The following METRNL variants were observed in gnomAD, a reference collection of about 807,000 sequenced individuals.
METRNL encodes meteorin-like protein.
Under a neutral mutation model 17.4 loss-of-function variants are expected in METRNL, and 9 were observed. That is an observed-to-expected ratio of 0.52 (90% CI 0.31 to 0.90). The LOEUF (loss-of-function observed/expected upper bound fraction) is 0.90, where lower values mean the gene tolerates loss of function less well. Ranked by LOEUF, METRNL falls within the 40% of genes least tolerant of loss-of-function variation. The pLI is 0.05. For synonymous variants in METRNL, 215 were observed against 199.3 expected (o/e 1.08, Z -0.66); for missense variants, 408 against 430.7 (o/e 0.95, Z 0.47).
chr17:83,085,119 A>C lies in METRNL; in HGVS notation c.352A>C (p.Asn118His), dbSNP rs1482189715. 1.2e-6 allele frequency: 2 copies of C among 1,613,540 alleles called. No individual in the cohort carries two copies. Among genetic ancestry groups the C allele is most frequent in the Non-Finnish European group, 1.7e-6 (2 of 1,179,996 alleles). ...IRSFTDSSGANIYLEKTGELR... is the reference protein window; with the variant it reads ...IRSFTDSSGAHIYLEKTGELR... ...GTCCTTCACGGACTCCTCGGGGGCC[A>C]ATATTTATTTGGAAAAAACTGGAGA... Residue 118 changes from asparagine to histidine, a missense_variant, in exon 2 of 4, where the codon AAT (asparagine) becomes CAT (histidine). Coordinates refer to ENST00000320095, the MANE Select transcript of METRNL (RefSeq NM_001004431.3).
At chr17:83,084,782 C>T (rs560838017) in intron 1 of METRNL, 156 bp from the exon 2 acceptor site, 86 of 920,408 alleles carry the variant, frequency 9.3e-5, no homozygotes, top group Middle Eastern at 7.0e-4. Context: ...GCCTGCCTCA[C>T]GGGCAGGGGT....
At chr17:83,084,907 G>T in intron 1 of METRNL, 31 bp from the exon 2 acceptor site, 2 of 1,584,962 alleles carry the variant, frequency 1.3e-6, no homozygotes, top group Non-Finnish European at 1.7e-6. Context: ...CGGGAGCTCC[G>T]GGCCTGGCTG....
chr17:83,084,443 T>C (rs2038025250), intron 1 of METRNL: 1 of 155,766 alleles, frequency 6.4e-6, no homozygotes, highest in Non-Finnish European at 1.4e-5. Context: ...GCCCTCGTGG[T>C]CATCTGGAAC....
intron 1 of METRNL, among the ~76,000 whole-genome samples, chr17:83,082,603 G>A (rs1021572139): frequency 1.3e-5 from 2 of 152,288 alleles, no homozygotes; most frequent in South Asian, 2.1e-4. Context: ...TGCATCTCAC[G>A]TGAAAATCAC....
intron 1 of METRNL, chr17:83,082,189 G>C: frequency 1.0e-6 from 1 of 985,448 alleles, no homozygotes; most frequent in Non-Finnish European, 1.2e-6. Flanking sequence ...CTGTCAGCCC[G>C]GGCATCGCAG....
rs2143645299 is a variant in METRNL, at chr17:83,090,412, C to G, written c.557-2755C>G. Reference sequence around the variant, plus strand: ...CCCCACACACACACCCCCCGCCCCACACACACACCCCCCGCCCCACACACA... The same window carrying G: ...CCCCACACACACACCCCCCGCCCCAGACACACACCCCCCGCCCCACACACA... On this transcript the variant is annotated intron_variant, in intron 2 of 3. Coordinates refer to ENST00000320095, the MANE Select transcript of METRNL (RefSeq NM_001004431.3). 2.7e-4 allele frequency among the ~76,000 whole-genome samples: 2 copies of G among 7,510 alleles called. 1 individual carries two copies. The highest frequency in any genetic ancestry group is 2.8e-3 in the African/African-American group (2 of 720). The allele number at this position is 7,510 out of a possible 152,430, so 4.9% of individuals were successfully genotyped here.
At chr17:83,080,829 G>C (rs2037977008) in intron 1 of METRNL, among the ~76,000 whole-genome samples, 1 of 150,474 alleles carries the variant, frequency 6.6e-6, no homozygotes, top group East Asian at 2.0e-4. Flanking sequence ...GGGCTGGCCC[G>C]GGCCTGGGTC....
At position 83,079,822 on chromosome 17, in the gene METRNL, G is replaced by A. The variant is rs1439488452; in HGVS notation, c.7G>A (p.Gly3Ser). 30 of 975,528 alleles carry A rather than the reference G, an allele frequency of 3.1e-5. No individual in the cohort carries two copies. Among genetic ancestry groups the A allele is most frequent in the Admixed American group, 6.6e-5 (1 of 15,140 alleles). The allele number at this position is 975,528 out of a possible 1,614,324, so 60.4% of individuals were successfully genotyped here. Residue 3 changes from glycine (G) to serine (S), a missense_variant, in exon 1 of 4, where the codon GGC becomes AGC. Gly to Ser is a moderately conservative substitution (Grantham distance 56, BLOSUM62 0). Transcript: ENST00000320095. The part of the protein sequence containing the change: MR[G>S]AARAAWGRAG... Reference sequence around the variant, plus strand: ...GCGGAGCCGGCGCCAGAGCATGCGGGGCGCGGCGCGGGCGGCCTGGGGGCG... The same window carrying A: ...GCGGAGCCGGCGCCAGAGCATGCGGAGCGCGGCGCGGGCGGCCTGGGGGCG...
At chr17:83,086,486 G>A (rs2038054204) in intron 2 of METRNL, among the ~76,000 whole-genome samples, 1 of 152,210 alleles carries the variant, frequency 6.6e-6, no homozygotes. Context: ...GTTATGGTGG[G>A]TGGGAGACCT....
Position 83,093,240 on chromosome 17 carries a change from C to T in METRNL, c.616+14C>T, listed in dbSNP as rs199507478. On this transcript the variant is annotated intron_variant, in intron 3 of 3. Coordinates refer to ENST00000320095, the MANE Select transcript of METRNL (RefSeq NM_001004431.3). The stretch of plus-strand genomic sequence containing the variant: ...CCAGCGACTTCGGTGAGTGTCTCCT[C>T]GGCAGCTTCTACCTCCTGTGCTCCT... The T allele has an allele frequency of 1.1e-5, 18 of 1,602,872 alleles. No individual in the cohort carries two copies. The highest frequency in any genetic ancestry group is 4.5e-5 in the East Asian group (2 of 44,840).
intron 1 of METRNL, 99 bp downstream of exon 1, chr17:83,080,084 G>A: frequency 1.5e-6 from 1 of 685,436 alleles, no homozygotes; most frequent in Non-Finnish European, 1.8e-6. Context: ...GGGGGCGGGC[G>A]CGGGGCAGGG....
chr17:83,081,765 A>G (rs1249528325), intron 1 of METRNL, among the ~76,000 whole-genome samples: 1 of 152,068 alleles, frequency 6.6e-6, no homozygotes, highest in Non-Finnish European at 1.5e-5. Flanking sequence ...TGTGATCTGG[A>G]GGGGACACGG....
At chr17:83,094,061 A>T (rs948583408) in intron 3 of METRNL, among the ~76,000 whole-genome samples, 195 bp from the exon 4 acceptor site, 3 of 152,226 alleles carry the variant, frequency 2.0e-5, no homozygotes, top group African/African-American at 7.2e-5. Context: ...ACGATGTCTA[A>T]GTATCTGGGA....
chr17:83,085,526 G>A (rs2038042912), intron 2 of METRNL, among the ~76,000 whole-genome samples: 1 of 152,014 alleles, frequency 6.6e-6, no homozygotes, highest in Admixed American at 6.5e-5. Flanking sequence ...CCGCAGAGGG[G>A]CCCTCCTAGG....
chr17:83,081,666 C>CCA (rs543201996), intron 1 of METRNL, among the ~76,000 whole-genome samples: 9 of 151,196 alleles, frequency 6.0e-5, no homozygotes, highest in South Asian at 2.1e-4. Context: ...GGGGACCCCC[C>CCA]CACACACACA....
At position 83,093,175 on chromosome 17, in the gene METRNL, C is replaced by T. The variant is rs769008337; in HGVS notation, c.565C>T (p.Arg189Cys). The T allele has an allele frequency of 1.4e-5, 22 of 1,607,774 alleles. No individual in the cohort carries two copies. The highest frequency in any genetic ancestry group is 1.6e-4 in the Middle Eastern group (1 of 6,082). Residue 189 changes from arginine (R) to cysteine (C), a missense_variant, in exon 3 of 4, where the codon CGT becomes TGT. Coordinates refer to ENST00000320095, the MANE Select transcript of METRNL (RefSeq NM_001004431.3). Reference sequence around the variant, plus strand: ...CTGCCTTTCTTCTCCAGCGCCGTGCCGTCCCTGCAGTGACACCGAGGTGCT... The same window carrying T: ...CTGCCTTTCTTCTCCAGCGCCGTGCTGTCCCTGCAGTGACACCGAGGTGCT... Reference protein sequence around the residue: ...SDLHELSAPCRPCSDTEVLLA... With the variant: ...SDLHELSAPCCPCSDTEVLLA...
At chr17:83,082,752 G>T (rs539424427) in intron 1 of METRNL, among the ~76,000 whole-genome samples, 33 of 152,366 alleles carry the variant, frequency 2.2e-4, no homozygotes, top group Non-Finnish European at 4.0e-4. Flanking sequence ...TCGATTTTCT[G>T]GTAGGAACCA....
chr17:83,083,676 C>T (rs1212441373), intron 1 of METRNL, among the ~76,000 whole-genome samples: 1 of 152,198 alleles, frequency 6.6e-6, no homozygotes, highest in African/African-American at 2.4e-5. Context: ...CGACACCACC[C>T]TCTGATGTGG....
chr17:83,092,799 A>G (rs542731539), intron 2 of METRNL, among the ~76,000 whole-genome samples: 1 of 152,272 alleles, frequency 6.6e-6, no homozygotes, highest in East Asian at 1.9e-4. Context: ...TGAGGAGATA[A>G]GTGGGGAAAG....
Sources: allele counts gnomAD v4.1 joint callset (sites outside exome capture counted in the v4.1 genomes callset), GRCh38; gene constraint gnomAD v4.1.1; transcripts MANE v1.5; gene names NCBI Gene and HGNC (gene_info 2026-07-23, HGNC 2026-07-21).